The following RBFOX1 variants were observed in gnomAD, a reference collection of about 807,000 sequenced individuals.
The protein encoded by RBFOX1 is RNA binding protein fox-1 homolog 1.
A neutral mutation model predicts 57.7 loss-of-function variants in RBFOX1; 8 were observed. The observed-to-expected ratio is 0.14, with a 90% CI of 0.08 to 0.25. The LOEUF (loss-of-function observed/expected upper bound fraction) is 0.25, where lower values mean the gene tolerates loss of function less well. Ranked by LOEUF, RBFOX1 falls within the 10% of genes least tolerant of loss-of-function variation. The pLI, the probability that RBFOX1 is intolerant of heterozygous loss-of-function variation, is 1.00. For synonymous variants in RBFOX1, 326 were observed against 222.4 expected (o/e 1.47, Z -4.15); for missense variants, 611 against 548.5 (o/e 1.11, Z -1.14).
At chr16:7,595,704 T>A in intron 8 of RBFOX1, 63 bp downstream of exon 8, 1 of 1,358,856 alleles carries the variant, frequency 7.4e-7, no homozygotes, top group Middle Eastern at 1.9e-4. Context: ...CGCTCATTCG[T>A]TGTTCCAGAT....
At chr16:7,168,065 G>A (rs917559154) in intron 4 of RBFOX1, among the ~76,000 whole-genome samples, 3 of 152,148 alleles carry the variant, frequency 2.0e-5, no homozygotes, top group Non-Finnish European at 2.9e-5. Flanking sequence ...AACATGAAAT[G>A]TTCCAGAATA....
At chr16:7,459,022 G>C (rs568321807) in intron 4 of RBFOX1, among the ~76,000 whole-genome samples, 3 of 152,144 alleles carry the variant, frequency 2.0e-5, no homozygotes, top group Admixed American at 2.0e-4. Flanking sequence ...GAATGGATGG[G>C]TGAATGGATG....
intron 3 of RBFOX1, among the ~76,000 whole-genome samples, chr16:6,913,431 CCT>C (rs2072238050): frequency 6.6e-6 from 1 of 152,130 alleles, no homozygotes; most frequent in Non-Finnish European, 1.5e-5. Context: ...GAACATCTTT[CCT>C]CTCATATCCC....
chr16:6,449,318 G>T (rs925313004), intron 2 of RBFOX1, among the ~76,000 whole-genome samples: 2 of 152,304 alleles, frequency 1.3e-5, no homozygotes, highest in Non-Finnish European at 2.9e-5. Flanking sequence ...ACTGCCTTCT[G>T]TGGGGCATCC....
chr16:7,234,490 C>G (rs913767014), intron 4 of RBFOX1, among the ~76,000 whole-genome samples: 8 of 151,878 alleles, frequency 5.3e-5, no homozygotes, highest in African/African-American at 1.9e-4. Context: ...GAACCAGGCT[C>G]AAAGTTTGTC....
At chr16:5,801,803 C>T (rs1052445581) in intron 3 of RBFOX1, among the ~76,000 whole-genome samples, 2 of 152,092 alleles carry the variant, frequency 1.3e-5, no homozygotes, top group African/African-American at 2.4e-5. Context: ...GAGAGTGAAC[C>T]GGGTGCCAAA....
chr16:7,240,969 T>TC (rs996274160), intron 4 of RBFOX1, among the ~76,000 whole-genome samples: 2 of 152,340 alleles, frequency 1.3e-5, no homozygotes, highest in African/African-American at 4.8e-5. Flanking sequence ...ATTCTACTTT[T>TC]CCCCCACACC....
chr16:6,341,838 G>T (rs866863334), intron 2 of RBFOX1, among the ~76,000 whole-genome samples: 1 of 152,108 alleles, frequency 6.6e-6, no homozygotes, highest in African/African-American at 2.4e-5. Context: ...TCCAAGAACC[G>T]TTTATTGGAG....
intron 4 of RBFOX1, among the ~76,000 whole-genome samples, chr16:7,082,036 C>G (rs2059280315): frequency 6.6e-6 from 1 of 152,144 alleles, no homozygotes; most frequent in African/African-American, 2.4e-5. Context: ...TTGAATTCCT[C>G]CCATCCTCTC....
chr16:6,556,662 C>A (rs889632017), intron 2 of RBFOX1, among the ~76,000 whole-genome samples: 19 of 151,936 alleles, frequency 1.3e-4, no homozygotes, highest in African/African-American at 4.4e-4. Context: ...GTGCCATGGC[C>A]AAATTGTTTT....
chr16:7,179,558 G>C (rs966704660), intron 4 of RBFOX1, among the ~76,000 whole-genome samples: 4 of 151,716 alleles, frequency 2.6e-5, no homozygotes, highest in Non-Finnish European at 4.4e-5. Context: ...TTTCCATTTT[G>C]TCAGACATTT....
At chr16:6,556,711 A>T (rs1441652714) in intron 2 of RBFOX1, among the ~76,000 whole-genome samples, 2 of 152,212 alleles carry the variant, frequency 1.3e-5, no homozygotes, top group East Asian at 1.9e-4. Flanking sequence ...ATGTATTGTG[A>T]TGATCTGCCG....
At chr16:5,251,151 A>T (rs2062440772) in intron 1 of RBFOX1, among the ~76,000 whole-genome samples, 1 of 152,012 alleles carries the variant, frequency 6.6e-6, no homozygotes, top group African/African-American at 2.4e-5. Flanking sequence ...GCTAACAGGG[A>T]CTCTGGCTTC....
At chr16:6,429,426 T>G (rs2094016447) in intron 2 of RBFOX1, among the ~76,000 whole-genome samples, 2 of 152,224 alleles carry the variant, frequency 1.3e-5, no homozygotes, top group African/African-American at 4.8e-5. Flanking sequence ...ACATTCACTT[T>G]TCTATAGATC....
At chr16:5,442,349 G>A (rs954522954) in intron 1 of RBFOX1, among the ~76,000 whole-genome samples, 19 of 152,230 alleles carry the variant, frequency 1.2e-4, no homozygotes, top group Admixed American at 1.2e-3. Context: ...GGCCAAGGAA[G>A]CCTGGACTGT....
rs777093171 is a variant in RBFOX1 at position 7,597,463 on chromosome 16, C to A, written c.622+32C>A. The stretch of plus-strand genomic sequence containing the variant: ...AGAGATTGGCCTTTTACAAGAAATT[C>A]TCTCTACTTCTGACTCTTTAAGTAA... On this transcript the variant is annotated intron_variant, in intron 9 of 15. Coordinates refer to ENST00000550418, the MANE Select transcript of RBFOX1 (RefSeq NM_018723.4). The A allele has an allele frequency of 2.2e-5, 33 of 1,517,796 alleles. No homozygotes were observed. In the Admixed American group the frequency reaches 5.5e-4, roughly 25 times the overall value. 94.0% of individuals were successfully genotyped at this position (1,517,796 alleles called of 1,614,324 possible).
intron 1 of RBFOX1, among the ~76,000 whole-genome samples, chr16:6,308,630 A>C (rs2079841580): frequency 1.3e-5 from 2 of 152,198 alleles, no homozygotes; most frequent in African/African-American, 4.8e-5. Context: ...CCTTGGAGCT[A>C]GGCTGAGCCA....
chr16:6,407,561 G>C (rs1358558257), intron 2 of RBFOX1, among the ~76,000 whole-genome samples: 1 of 84,566 alleles, frequency 1.2e-5, no homozygotes, highest in Non-Finnish European at 2.3e-5. Flanking sequence ...GTGTGTGTGT[G>C]TGTGTGACAG....
intron 2 of RBFOX1, among the ~76,000 whole-genome samples, chr16:6,478,398 T>C: frequency 7.0e-5 from 1 of 14,226 alleles, no homozygotes; most frequent in African/African-American, 3.1e-4. Flanking sequence ...AATATATATA[T>C]ATATATATAT....
Sources: allele counts gnomAD v4.1 joint callset (sites outside exome capture counted in the v4.1 genomes callset), GRCh38; gene constraint gnomAD v4.1.1; transcripts MANE v1.5; gene names NCBI Gene and HGNC (gene_info 2026-07-23, HGNC 2026-07-21).